Variants in DNMT3B observed in about 807,000 individuals in gnomAD.
The protein encoded by DNMT3B is DNA methyltransferase 3 beta, also known as DNA (cytosine-5)-methyltransferase 3B.
Under a neutral mutation model 120.2 loss-of-function variants are expected in DNMT3B, and 37 were observed. The observed-to-expected ratio is 0.31, with a 90% CI of 0.24 to 0.40. The LOEUF (loss-of-function observed/expected upper bound fraction) is 0.40. Among genes scored for constraint, DNMT3B ranks in the 10% least tolerant of loss-of-function variants. DNMT3B has a pLI of 1.00. For missense variants in DNMT3B, 878 were observed against 1,137.3 expected (o/e 0.77, Z 3.28); for synonymous variants, 412 against 442.8 (o/e 0.93, Z 0.87).
intron 7 of DNMT3B, among the ~76,000 whole-genome samples, chr20:32,790,479 G>A (rs1281649629): frequency 1.3e-5 from 2 of 152,104 alleles, no homozygotes; most frequent in Admixed American, 1.3e-4. Context: ...ACGCTGTTTG[G>A]GTTGTATTGG....
At chr20:32,786,087 T>G (rs1382175590) in intron 4 of DNMT3B, among the ~76,000 whole-genome samples, 1 of 152,192 alleles carries the variant, frequency 6.6e-6, no homozygotes, top group Non-Finnish European at 1.5e-5. Flanking sequence ...TTTCACCATT[T>G]TATCCAGGAT....
intron 14 of DNMT3B, among the ~76,000 whole-genome samples, chr20:32,798,143 G>A (rs1568853757): frequency 6.6e-6 from 1 of 152,166 alleles, no homozygotes; most frequent in Non-Finnish European, 1.5e-5. Context: ...ATGAGGGAAG[G>A]GGATGAGTAG....
intron 3 of DNMT3B, among the ~76,000 whole-genome samples, 189 bp from the exon 4 acceptor site, chr20:32,784,569 C>T (rs1306300843): frequency 6.6e-6 from 1 of 152,160 alleles, no homozygotes. Context: ...GTGCAGGTTT[C>T]ATGCCATTGC....
In DNMT3B at chr20:32,762,523, G is replaced by A; in HGVS notation, c.-183G>A. 3.2e-6 allele frequency: 1 copy of A among 316,200 alleles called. No homozygotes were observed. The highest frequency in any genetic ancestry group is 6.5e-6 in the Non-Finnish European group (1 of 153,298). 19.6% of individuals were successfully genotyped at this position (316,200 alleles called of 1,614,324 possible). On this transcript the variant is annotated 5_prime_UTR_variant, in exon 1 of 23. Coordinates refer to ENST00000328111, the MANE Select transcript of DNMT3B (RefSeq NM_006892.4). ...CTCCCTGGCGGTCGGGCGAGCGGGCGGCAACGCTGCCCGGCCGGCAGCGCT... is the reference window on the plus strand; with the variant it reads ...CTCCCTGGCGGTCGGGCGAGCGGGCAGCAACGCTGCCCGGCCGGCAGCGCT...
At chr20:32,786,357 C>G in intron 4 of DNMT3B, 145 bp from the exon 5 acceptor site, 2 of 1,177,328 alleles carry the variant, frequency 1.7e-6, no homozygotes, top group East Asian at 2.5e-5. Context: ...GTCCAGAGTC[C>G]CACCTCATCA....
chr20:32,784,596 G>A (rs372340910), intron 3 of DNMT3B, among the ~76,000 whole-genome samples, 162 bp from the exon 4 acceptor site: 1 of 152,148 alleles, frequency 6.6e-6, no homozygotes, highest in Non-Finnish European at 1.5e-5. Context: ...GGCATCTGTC[G>A]TGGTTGGTCT....
intron 1 of DNMT3B, among the ~76,000 whole-genome samples, chr20:32,776,484 T>G (rs544367272): frequency 6.6e-6 from 1 of 152,264 alleles, no homozygotes; most frequent in East Asian, 1.9e-4. Context: ...GGGAGATTTG[T>G]ATCCACTGGT....
At chr20:32,795,567 A>T in intron 11 of DNMT3B, 33 bp downstream of exon 11, 3 of 1,614,140 alleles carry the variant, frequency 1.9e-6, no homozygotes, top group Non-Finnish European at 2.5e-6. Context: ...CATGGGACAG[A>T]TGGGAGGAGG....
chr20:32,786,690 A>T, intron 5 of DNMT3B, 63 bp downstream of exon 5: 1 of 1,609,104 alleles, frequency 6.2e-7, no homozygotes, highest in Non-Finnish European at 8.5e-7. Context: ...TGCCTCACTC[A>T]CTGCACTACT....
intron 7 of DNMT3B, among the ~76,000 whole-genome samples, chr20:32,791,260 G>T (rs574459675): frequency 2.0e-5 from 3 of 152,266 alleles, no homozygotes; most frequent in Non-Finnish European, 2.9e-5. Context: ...GAGAATATTA[G>T]GACTGAGCCT....
In DNMT3B at chr20:32,786,453, C is replaced by T. The variant is rs2424913; in HGVS notation, c.307-49C>T. Reference sequence around the variant, plus strand: ...TAATCCTTCTGGCCCCGCCAGACCCCAGGCCTCCAGTCACCTAAGGCCCAG... The same window carrying T: ...TAATCCTTCTGGCCCCGCCAGACCCTAGGCCTCCAGTCACCTAAGGCCCAG... On this transcript the variant is annotated intron_variant, in intron 4 of 22. Transcript: ENST00000328111. 0.49 allele frequency: 791,704 copies of T among 1,612,440 alleles called. 205,857 individuals carry two copies. The highest frequency in any genetic ancestry group is 1 in the East Asian group (44,770 of 44,864).
chr20:32,781,390 G>A lies in DNMT3B; in HGVS notation c.180G>A (p.Val60=). 6.2e-7 allele frequency: 1 copy of A among 1,614,202 alleles called. No individual in the cohort carries two copies. Among genetic ancestry groups the A allele is most frequent in the South Asian group, 1.1e-5 (1 of 91,084 alleles). The change falls in exon 3 of 23, where the codon GTG becomes GTA. Residue 60 remains valine, a synonymous_variant. Coordinates refer to ENST00000328111, the MANE Select transcript of DNMT3B (RefSeq NM_006892.4). ...RSSSRLSKRE[V]SSLLSYTQDL... is the part of the protein sequence containing the mutation. ...GCTCGCGACTCTCCAAGAGGGAGGT[G>A]TCCAGTCTGCTAAGCTACACACAGG...
intron 14 of DNMT3B, among the ~76,000 whole-genome samples, chr20:32,797,762 C>T (rs1980817859): frequency 6.6e-6 from 1 of 151,950 alleles, no homozygotes; most frequent in Admixed American, 6.6e-5. Flanking sequence ...AGGGTACAAG[C>T]AATTCTCGTG....
At chr20:32,802,570 G>A in intron 20 of DNMT3B, 100 bp downstream of exon 20, 1 of 1,238,318 alleles carries the variant, frequency 8.1e-7, no homozygotes, top group Non-Finnish European at 1.2e-6. Flanking sequence ...GCTCTGCTGA[G>A]AAATAGTTAT....
chr20:32,799,865 T>G (rs1303953707), intron 16 of DNMT3B, among the ~76,000 whole-genome samples: 2 of 152,254 alleles, frequency 1.3e-5, no homozygotes, highest in Non-Finnish European at 2.9e-5. Context: ...TTACACTTTA[T>G]TTTTTATGTG....
Position 32,808,859 on chromosome 20 carries a change from C to T in DNMT3B, c.*956C>T, listed in dbSNP as rs903403430. On this transcript the variant is annotated 3_prime_UTR_variant, in exon 23 of 23. Transcript: ENST00000328111. ...GTCCCCAGATGAGAAGTCTGCTACC[C>T]TCATTTCTCATCTTTTTACTAAACT... 5 of 225,948 alleles carry T rather than the reference C, an allele frequency of 2.2e-5. No homozygotes were observed. The highest frequency in any genetic ancestry group is 1.1e-4 in the African/African-American group (5 of 44,904). The allele number at this position is 225,948 out of a possible 1,614,324, so 14.0% of individuals were successfully genotyped here.
intron 1 of DNMT3B, among the ~76,000 whole-genome samples, chr20:32,772,671 G>A (rs1987809993): frequency 6.6e-6 from 1 of 152,030 alleles, no homozygotes; most frequent in Non-Finnish European, 1.5e-5. Flanking sequence ...TGTGATTTCT[G>A]TATAAAGGGC....
At chr20:32,781,200 C>T (rs754177926) in intron 2 of DNMT3B, among the ~76,000 whole-genome samples, 153 bp from the exon 3 acceptor site, 5 of 152,248 alleles carry the variant, frequency 3.3e-5, no homozygotes, top group African/African-American at 7.2e-5. Context: ...AGAAGATGAA[C>T]GATACTGACG....
chr20:32,764,526 A>T (rs973819112), intron 1 of DNMT3B, among the ~76,000 whole-genome samples: 4 of 152,106 alleles, frequency 2.6e-5, no homozygotes, highest in African/African-American at 9.7e-5. Context: ...CAGCTCTGAA[A>T]GCTTTTCTCA....
Sources: gnomAD v4.1 joint callset for allele counts (sites outside exome capture counted in the v4.1 genomes callset) on GRCh38, gnomAD v4.1.1 for gene constraint, MANE v1.5 for transcripts, NCBI Gene and HGNC (gene_info 2026-07-23, HGNC 2026-07-21) for gene names.